STK32B: variants seen among roughly 807,000 people sequenced by gnomAD.
The protein encoded by STK32B is serine/threonine kinase 32B.
Under a neutral mutation model 52.6 loss-of-function variants are expected in STK32B, and 43 were observed. The observed-to-expected ratio is 0.82, with a 90% confidence interval of 0.64 to 1.05. STK32B has a LOEUF of 1.05. Ranked by LOEUF, STK32B falls within the 50% of genes least tolerant of loss-of-function variation. The pLI, the probability that STK32B is intolerant of heterozygous loss-of-function variation, is 0.00. For missense variants in STK32B, 621 were observed against 534.6 expected (o/e 1.16, Z -1.59); for synonymous variants, 238 against 204.3 (o/e 1.17, Z -1.41).
At chr4:5,106,773 T>A (rs1159587167) in intron 1 of STK32B, among the ~76,000 whole-genome samples, 1 of 152,164 alleles carries the variant, frequency 6.6e-6, no homozygotes, top group Non-Finnish European at 1.5e-5. Flanking sequence ...CTTGTGTAGA[T>A]GGCCAATTGT....
In STK32B at chr4:5,453,502, C is replaced by G. The variant is rs539661669; in HGVS notation, c.667-3305C>G. Among the ~76,000 whole-genome samples, 9 of 152,118 alleles carry G rather than the reference C, an allele frequency of 5.9e-5. No homozygotes were observed. The highest frequency in any genetic ancestry group is 2.2e-4 in the African/African-American group (9 of 41,496). ...ACGTTTGAAATGAGGGATGAAGTGC[C>G]CCATCATTGTCCAGGGTCTTTGCAC... On this transcript the variant is annotated intron_variant, in intron 7 of 11. Transcript: ENST00000282908. The surrounding 1 kb of genome is among the most constrained non-coding windows in gnomAD (Gnocchi z 4.0).
At chr4:5,486,109 G>A (rs1719177530) in intron 11 of STK32B, among the ~76,000 whole-genome samples, 1 of 152,148 alleles carries the variant, frequency 6.6e-6, no homozygotes, top group South Asian at 2.1e-4. Flanking sequence ...TACTTTCGGG[G>A]AAGCTGTCAG....
intron 3 of STK32B, among the ~76,000 whole-genome samples, chr4:5,281,262 G>A (rs1486490585): frequency 6.6e-6 from 1 of 152,150 alleles, no homozygotes; most frequent in Non-Finnish European, 1.5e-5. Flanking sequence ...TGAGATTTTG[G>A]TGGGGACACA....
chr4:5,284,521 A>T (rs1257746111), intron 3 of STK32B, among the ~76,000 whole-genome samples: 1 of 152,176 alleles, frequency 6.6e-6, no homozygotes, highest in Non-Finnish European at 1.5e-5. Context: ...AATCTATTAT[A>T]AAAAGTTAAA....
chr4:5,062,755 G>T (rs1380369137), intron 1 of STK32B, among the ~76,000 whole-genome samples: 2 of 152,102 alleles, frequency 1.3e-5, no homozygotes, highest in African/African-American at 4.8e-5. Flanking sequence ...TGATCCGCCC[G>T]CCTCAGCCTC....
At chr4:5,300,745 T>G (rs1357118651) in intron 3 of STK32B, among the ~76,000 whole-genome samples, 1 of 152,082 alleles carries the variant, frequency 6.6e-6, no homozygotes, top group Non-Finnish European at 1.5e-5. Flanking sequence ...GGTGAAAGAT[T>G]CCTACAAGGA....
intron 3 of STK32B, among the ~76,000 whole-genome samples, chr4:5,267,060 C>T (rs1727099515): frequency 6.6e-6 from 1 of 152,094 alleles, no homozygotes. Context: ...GAGGTGAATT[C>T]CTGAATCATA....
intron 2 of STK32B, among the ~76,000 whole-genome samples, chr4:5,145,766 A>G (rs1321946629): frequency 2.0e-5 from 3 of 152,136 alleles, no homozygotes; most frequent in Non-Finnish European, 4.4e-5. Context: ...CAGACATGAG[A>G]CTGTTTTCAA....
intron 6 of STK32B, among the ~76,000 whole-genome samples, chr4:5,426,679 G>A (rs865803092): frequency 3.0e-4 from 27 of 89,436 alleles, no homozygotes; most frequent in African/African-American, 1.2e-3. Context: ...AACAGGGCGA[G>A]ACTCCATCTA....
chr4:5,141,508 G>A (rs954912350), intron 2 of STK32B, among the ~76,000 whole-genome samples: 1 of 152,164 alleles, frequency 6.6e-6, no homozygotes, highest in Admixed American at 6.5e-5. Context: ...TTCACAGAGT[G>A]GGAAGAGAAG....
At chr4:5,204,406 T>A (rs1722398584) in intron 3 of STK32B, among the ~76,000 whole-genome samples, 2 of 151,914 alleles carry the variant, frequency 1.3e-5, no homozygotes, top group African/African-American at 4.8e-5. Context: ...GGTTTTTTGT[T>A]TGTTTGTTTT....
chr4:5,076,385 C>T (rs796913100), intron 1 of STK32B, among the ~76,000 whole-genome samples: 21 of 152,206 alleles, frequency 1.4e-4, no homozygotes, highest in African/African-American at 4.8e-4. Flanking sequence ...TTCCTAGTTC[C>T]TCTTTCTCAT....
At chr4:5,479,798 G>A (rs1481474013) in intron 11 of STK32B, among the ~76,000 whole-genome samples, 1 of 152,176 alleles carries the variant, frequency 6.6e-6, no homozygotes, top group African/African-American at 2.4e-5. Context: ...TTTGGTATGT[G>A]TCCTCCCACA....
At chr4:5,337,628 C>G (rs1487736576) in intron 4 of STK32B, among the ~76,000 whole-genome samples, 1 of 151,870 alleles carries the variant, frequency 6.6e-6, no homozygotes, top group African/African-American at 2.4e-5. Context: ...GAAAAGTGAT[C>G]TGATAGAATT....
intron 4 of STK32B, among the ~76,000 whole-genome samples, chr4:5,346,107 T>C (rs1474681146): frequency 1.3e-5 from 2 of 152,200 alleles, no homozygotes; most frequent in African/African-American, 4.8e-5. Flanking sequence ...ACTCCTGATA[T>C]TTTGACAAAA....
At chr4:5,163,311 T>A (rs1203468068) in intron 2 of STK32B, among the ~76,000 whole-genome samples, 1 of 152,140 alleles carries the variant, frequency 6.6e-6, no homozygotes, top group East Asian at 1.9e-4. Context: ...GACTGCCAGA[T>A]AAAAACGGGG....
intron 3 of STK32B, among the ~76,000 whole-genome samples, chr4:5,324,122 T>G (rs2108943488): frequency 6.6e-6 from 1 of 152,324 alleles, no homozygotes; most frequent in South Asian, 2.1e-4. Flanking sequence ...GGGAGGCCGA[T>G]GCAGGAAGAT....
the STK32B span, among the ~76,000 whole-genome samples, chr4:5,027,823 C>T: frequency 1.3e-5 from 2 of 152,124 alleles, no homozygotes; most frequent in East Asian, 3.9e-4. Context: ...GCTATGCTGT[C>T]GTTGCCAGCA....
chr4:5,437,672 T>A (rs1714213180), intron 6 of STK32B, among the ~76,000 whole-genome samples: 1 of 152,188 alleles, frequency 6.6e-6, no homozygotes, highest in African/African-American at 2.4e-5. Context: ...TGCCTCTGCC[T>A]CCTCATCAGA....
Sources: gnomAD v4.1 joint callset for allele counts (sites outside exome capture counted in the v4.1 genomes callset) on GRCh38, gnomAD v4.1.1 for gene constraint, Gnocchi (gnomAD v3.1) non-coding constraint, MANE v1.5 for transcripts, NCBI Gene and HGNC (gene_info 2026-07-23, HGNC 2026-07-21) for gene names.